The following PDE4D variants were observed in gnomAD, a reference collection of about 807,000 sequenced individuals.
The protein encoded by PDE4D is 3',5'-cyclic-AMP phosphodiesterase 4D.
PDE4D carries 24 observed loss-of-function variants against 87.4 expected under a neutral mutation model. The observed-to-expected ratio is 0.27, with a 90% CI of 0.20 to 0.39. PDE4D has a LOEUF of 0.39. Ranked by LOEUF, PDE4D falls within the 10% of genes least tolerant of loss-of-function variation. The pLI, the probability that PDE4D is intolerant of heterozygous loss-of-function variation, is 1.00. For missense variants in PDE4D, 714 were observed against 1,041.0 expected, an observed-to-expected ratio of 0.69 and a Z score of 4.32; for synonymous variants, 384 against 383.2, an observed-to-expected ratio of 1.00 and a Z score of -0.02.
At chr5:58,992,834 T>C (rs1173515511) in intron 7 of PDE4D, among the ~76,000 whole-genome samples, 1 of 152,198 alleles carries the variant, frequency 6.6e-6, no homozygotes, top group Non-Finnish European at 1.5e-5. Context: ...TTCAAATTAC[T>C]GACCTTTATT....
chr5:60,277,879 A>C (rs912237411), intron 1 of PDE4D, among the ~76,000 whole-genome samples: 3 of 152,164 alleles, frequency 2.0e-5, no homozygotes, highest in Non-Finnish European at 4.4e-5. Context: ...CTCCACACTT[A>C]TAATTCCCTT....
intron 1 of PDE4D, among the ~76,000 whole-genome samples, chr5:59,698,893 C>A (rs1338245835): frequency 1.3e-5 from 2 of 152,172 alleles, no homozygotes; most frequent in Non-Finnish European, 2.9e-5. Flanking sequence ...AACTGCAAAA[C>A]CACCTTAGCA....
intron 1 of PDE4D, among the ~76,000 whole-genome samples, chr5:59,698,557 A>C (rs1351509959): frequency 6.6e-6 from 1 of 152,196 alleles, no homozygotes; most frequent in Non-Finnish European, 1.5e-5. Flanking sequence ...TAAAAACATT[A>C]GAACACTAAA....
At chr5:59,661,644 C>T (rs1745270158) in intron 1 of PDE4D, among the ~76,000 whole-genome samples, 1 of 152,122 alleles carries the variant, frequency 6.6e-6, no homozygotes, top group African/African-American at 2.4e-5. Context: ...ATCAAGATAT[C>T]CAGGAATAAA....
At chr5:59,265,654 A>T (rs185367023) in intron 1 of PDE4D, among the ~76,000 whole-genome samples, 1 of 152,210 alleles carries the variant, frequency 6.6e-6, no homozygotes, top group East Asian at 1.9e-4. Context: ...ATTAACATAT[A>T]CATCATTGCT....
intron 1 of PDE4D, among the ~76,000 whole-genome samples, chr5:60,496,081 C>T (rs975817454): frequency 6.6e-6 from 1 of 152,128 alleles, no homozygotes; most frequent in Admixed American, 6.5e-5. Flanking sequence ...TTGGCTATTT[C>T]CTTTTGCTGC....
chr5:60,352,448 G>C (rs1759285391), intron 1 of PDE4D, among the ~76,000 whole-genome samples: 1 of 152,190 alleles, frequency 6.6e-6, no homozygotes, highest in Non-Finnish European at 1.5e-5. Context: ...GTATGATGAG[G>C]TAAGACCAAG....
chr5:59,503,692 T>C (rs1808723323), intron 1 of PDE4D, among the ~76,000 whole-genome samples: 1 of 152,202 alleles, frequency 6.6e-6, no homozygotes, highest in African/African-American at 2.4e-5. Context: ...TCCTGGATTA[T>C]GACCTTTCAG....
chr5:60,080,207 C>T (rs912091313), intron 2 of PDE4D, among the ~76,000 whole-genome samples: 1 of 152,124 alleles, frequency 6.6e-6, no homozygotes, highest in African/African-American at 2.4e-5. Context: ...TAAAAGAATG[C>T]TTGTGATTTT....
chr5:59,198,251 C>T (rs1160850980), intron 2 of PDE4D, among the ~76,000 whole-genome samples: 3 of 151,954 alleles, frequency 2.0e-5, no homozygotes, highest in Admixed American at 6.6e-5. Context: ...GGAGGACAGG[C>T]GGAGAATGAA....
chr5:60,276,863 G>C lies in PDE4D; in HGVS notation c.-89-91176C>G, dbSNP rs572206081. Among the ~76,000 whole-genome samples, 10 of 150,662 alleles carry C rather than the reference G, an allele frequency of 6.6e-5. No individual in the cohort carries two copies. The South Asian group carries it at 1.9e-3, about 28-fold the overall frequency. On this transcript the variant is annotated intron_variant, in intron 1 of 16. Transcript: ENST00000502484. ...CTTATCAGATAGTATAACTATTTCTGCTTTTCTGTGATTAATATTTATATG... is the reference window on the plus strand; with the variant it reads ...CTTATCAGATAGTATAACTATTTCTCCTTTTCTGTGATTAATATTTATATG...
intron 2 of PDE4D, among the ~76,000 whole-genome samples, chr5:60,058,034 G>A (rs1319287850): frequency 6.6e-6 from 1 of 151,918 alleles, no homozygotes; most frequent in Admixed American, 6.6e-5. Flanking sequence ...ATGTTTAAGT[G>A]TGATAAATGG....
intron 1 of PDE4D, among the ~76,000 whole-genome samples, chr5:59,713,883 C>T (rs1324102100): frequency 2.0e-5 from 3 of 152,166 alleles, no homozygotes; most frequent in African/African-American, 4.8e-5. Context: ...CAGGAAAGGG[C>T]CTTTTGGGCA....
chr5:59,728,656 A>G (rs1296038272), intron 1 of PDE4D, among the ~76,000 whole-genome samples: 2 of 152,132 alleles, frequency 1.3e-5, no homozygotes, highest in Non-Finnish European at 2.9e-5. Context: ...TTAATAATTT[A>G]GAAGGAAAAC....
chr5:59,125,367 G>T (rs1463819759), intron 5 of PDE4D: 2 of 716,364 alleles, frequency 2.8e-6, no homozygotes, highest in Non-Finnish European at 3.4e-6. Flanking sequence ...TTTTCAAAAT[G>T]ATCCTCTTCC....
intron 2 of PDE4D, among the ~76,000 whole-genome samples, chr5:60,151,033 G>C (rs549869469): frequency 6.6e-6 from 1 of 152,262 alleles, no homozygotes; most frequent in East Asian, 1.9e-4. Context: ...TTTTACACAA[G>C]AGTCAACTTT....
chr5:60,474,541 G>A (rs979607281), intron 1 of PDE4D, among the ~76,000 whole-genome samples: 1 of 152,114 alleles, frequency 6.6e-6, no homozygotes, highest in Non-Finnish European at 1.5e-5. Flanking sequence ...TTAGGAGTTT[G>A]CAGAGGCTGG....
intron 1 of PDE4D, among the ~76,000 whole-genome samples, chr5:59,540,383 A>G (rs1478241043): frequency 6.6e-6 from 1 of 152,186 alleles, no homozygotes; most frequent in Non-Finnish European, 1.5e-5. Flanking sequence ...CAAAAAACAG[A>G]AAAAAAGAGG....
chr5:59,664,185 C>T (rs986286132), intron 1 of PDE4D, among the ~76,000 whole-genome samples: 3 of 152,122 alleles, frequency 2.0e-5, no homozygotes, highest in Admixed American at 1.3e-4. Context: ...TTCATACATG[C>T]TTTCCTACAC....
Sources: allele counts gnomAD v4.1 joint callset (sites outside exome capture counted in the v4.1 genomes callset), GRCh38; gene constraint gnomAD v4.1.1; transcripts MANE v1.5; gene names NCBI Gene and HGNC (gene_info 2026-07-23, HGNC 2026-07-21).